Variants in STRN3 observed in about 807,000 individuals in gnomAD.
The protein encoded by STRN3 is striatin-3.
STRN3 carries 29 observed loss-of-function variants against 95.6 expected under a neutral mutation model. That is an observed-to-expected ratio of 0.30 (90% confidence interval 0.23 to 0.41). STRN3 has a LOEUF of 0.41. STRN3 is among the 10% of genes least tolerant of loss of function. The pLI is 1.00. For synonymous variants in STRN3, 331 were observed against 357.6 expected (o/e 0.93, Z 0.84); for missense variants, 890 against 972.1 (o/e 0.92, Z 1.12).
chr14:30,920,128 T>TCTAAGA (rs1409371822), intron 8 of STRN3, among the ~76,000 whole-genome samples: 2 of 152,178 alleles, frequency 1.3e-5, no homozygotes, highest in African/African-American at 2.4e-5. Flanking sequence ...CTCTAAGAAC[T>TCTAAGA]ATTACGCATC....
At chr14:30,920,892 A>T (rs1896862026) in intron 8 of STRN3, among the ~76,000 whole-genome samples, 1 of 152,076 alleles carries the variant, frequency 6.6e-6, no homozygotes, top group Non-Finnish European at 1.5e-5. Flanking sequence ...TCATGATCTG[A>T]TCCTATTTTT....
At chr14:30,929,833 G>A (rs1273486750) in intron 7 of STRN3, among the ~76,000 whole-genome samples, 1 of 151,244 alleles carries the variant, frequency 6.6e-6, no homozygotes, top group Admixed American at 6.6e-5. Flanking sequence ...AATACATATA[G>A]TTCAAAAATA....
intron 7 of STRN3, 151 bp from the exon 8 acceptor site, chr14:30,929,462 T>C: frequency 1.6e-6 from 1 of 611,258 alleles, no homozygotes; most frequent in Middle Eastern, 2.7e-4. Context: ...AGTTCTGGTA[T>C]TCACAACTCA....
chr14:30,949,846 G>T (rs887427637), intron 4 of STRN3, among the ~76,000 whole-genome samples: 1 of 152,136 alleles, frequency 6.6e-6, no homozygotes, highest in Non-Finnish European at 1.5e-5. Context: ...ATGGAAGCAG[G>T]GGGTGGCCAA....
At chr14:30,967,426 G>T (rs958824643) in intron 1 of STRN3, among the ~76,000 whole-genome samples, 1 of 152,198 alleles carries the variant, frequency 6.6e-6, no homozygotes, top group Non-Finnish European at 1.5e-5. Context: ...TTAAGAGCCA[G>T]GGTAAATTTA....
Position 31,026,195 on chromosome 14 carries a change from G to C in STRN3, c.-10C>G, listed in dbSNP as rs112675361. Reference sequence around the variant, plus strand: ...CGGCAAGCTCGTCCATTGTGTGTGGGGCCCCGGCCGGGGCGCAGGGCGAGA... The same window carrying C: ...CGGCAAGCTCGTCCATTGTGTGTGGCGCCCCGGCCGGGGCGCAGGGCGAGA... On this transcript the variant is annotated 5_prime_UTR_variant, in exon 1 of 18. Coordinates refer to ENST00000357479, the MANE Select transcript of STRN3 (RefSeq NM_001083893.2). 2.1e-6 allele frequency: 3 copies of C among 1,416,382 alleles called. No homozygotes were observed. The highest frequency in any genetic ancestry group is 2.7e-6 in the Non-Finnish European group (3 of 1,096,008). 87.7% of individuals were successfully genotyped at this position (1,416,382 alleles called of 1,614,324 possible). A position where few individuals can be genotyped will look rare whatever the true frequency, so the allele number is the denominator to read the frequency against.
chr14:31,021,370 G>A (rs931807867), intron 1 of STRN3, among the ~76,000 whole-genome samples: 5 of 152,092 alleles, frequency 3.3e-5, no homozygotes, highest in Admixed American at 6.6e-5. Flanking sequence ...CGATATGCCA[G>A]TGTCAGAAAA....
chr14:30,956,387 T>C, intron 1 of STRN3, 145 bp from the exon 2 acceptor site: 2 of 737,610 alleles, frequency 2.7e-6, no homozygotes, highest in Non-Finnish European at 4.4e-6. Flanking sequence ...AGGCAATGGC[T>C]CACACCTGTA....
intron 7 of STRN3, 89 bp from the exon 8 acceptor site, chr14:30,929,400 T>A (rs1878367223): frequency 2.0e-6 from 2 of 984,402 alleles, no homozygotes; most frequent in South Asian, 2.8e-5. Flanking sequence ...TACATAATCA[T>A]AATAAAATGT....
intron 8 of STRN3, among the ~76,000 whole-genome samples, chr14:30,924,860 G>T (rs529529597): frequency 2.6e-5 from 4 of 152,006 alleles, no homozygotes; most frequent in Non-Finnish European, 4.4e-5. Flanking sequence ...AAATAAAAAA[G>T]AATATATTTA....
rs547651848 is a variant in STRN3 at position 31,014,598 on chromosome 14, A to T, written c.282+11306T>A. On this transcript the variant is annotated intron_variant, in intron 1 of 17. Coordinates refer to ENST00000357479, the MANE Select transcript of STRN3 (RefSeq NM_001083893.2). ...AAAGTAGTCCAAAATTTTACTTTAC[A>T]TTTATAATTGCTTTAATTCTAGTCT... The T allele has an allele frequency of 9.4e-6, 4 of 425,072 alleles. No individual in the cohort carries two copies. The East Asian group carries it at 3.1e-4, about 32-fold the overall frequency. The allele number at this position is 425,072 out of a possible 1,614,324, so 26.3% of individuals were successfully genotyped here.
At chr14:30,905,638 C>T in intron 14 of STRN3, 80 bp from the exon 15 acceptor site, 2 of 1,468,136 alleles carry the variant, frequency 1.4e-6, no homozygotes, top group Non-Finnish European at 1.8e-6. Flanking sequence ...CTCTGTTTTT[C>T]TAATCAGAAA....
chr14:30,944,192 C>T (rs1033420399), intron 5 of STRN3, among the ~76,000 whole-genome samples: 3 of 151,954 alleles, frequency 2.0e-5, no homozygotes, highest in Non-Finnish European at 4.4e-5. Flanking sequence ...CAGAGTCAGA[C>T]GTGGTATGGC....
At chr14:31,014,547 T>C in intron 1 of STRN3, 1 of 368,730 alleles carries the variant, frequency 2.7e-6, no homozygotes, top group Non-Finnish European at 5.4e-6. Flanking sequence ...ATAGGAATTT[T>C]TACGTCTGTT....
At chr14:30,926,685 GATTAT>G (rs1260872624) in intron 8 of STRN3, among the ~76,000 whole-genome samples, 1 of 151,488 alleles carries the variant, frequency 6.6e-6, no homozygotes, top group East Asian at 1.9e-4. Context: ...TTATTTTTAT[GATTAT>G]ATAAGCAAAA....
rs1318652740 is a variant in STRN3, at chr14:31,018,490, G to A, written c.282+7414C>T. 3 of 430,924 alleles carry A rather than the reference G, an allele frequency of 7.0e-6. No individual in the cohort carries two copies. The East Asian group carries it at 2.1e-4, about 31-fold the overall frequency. The allele number at this position is 430,924 out of a possible 1,614,324, so 26.7% of individuals were successfully genotyped here. On this transcript the variant is annotated intron_variant, in intron 1 of 17. Coordinates refer to ENST00000357479, the MANE Select transcript of STRN3 (RefSeq NM_001083893.2). ...CTGTCACCGTCACTCCTTCAGAGCA[G>A]AGCTTCTCTAGGGAACTTGGATGCG...
chr14:30,937,927 T>TG (rs1878902976), intron 5 of STRN3, among the ~76,000 whole-genome samples: 1 of 152,152 alleles, frequency 6.6e-6, no homozygotes, highest in African/African-American at 2.4e-5. Flanking sequence ...CATGAGGCAG[T>TG]GGTTCTAGCA....
chr14:31,020,497 C>T (rs1883454113), intron 1 of STRN3, among the ~76,000 whole-genome samples: 1 of 146,328 alleles, frequency 6.8e-6, no homozygotes, highest in Non-Finnish European at 1.5e-5. Flanking sequence ...AAAACTGTCT[C>T]TAAAAAAAAA....
chr14:31,018,987 G>A (rs1168584851), intron 1 of STRN3, among the ~76,000 whole-genome samples: 1 of 152,152 alleles, frequency 6.6e-6, no homozygotes, highest in Non-Finnish European at 1.5e-5. Flanking sequence ...GTCGGGCATG[G>A]TGGCACACCT....
Sources: allele counts gnomAD v4.1 joint callset (sites outside exome capture counted in the v4.1 genomes callset), GRCh38; gene constraint gnomAD v4.1.1; transcripts MANE v1.5; gene names NCBI Gene and HGNC (gene_info 2026-07-23, HGNC 2026-07-21).